The following TTC28 variants were observed in gnomAD, a reference collection of about 807,000 sequenced individuals.
TTC28 encodes the protein tetratricopeptide repeat protein 28.
TTC28 carries 61 observed loss-of-function variants against 198.0 expected under a neutral mutation model. That is an observed-to-expected ratio of 0.31 (90% CI 0.25 to 0.38). The LOEUF (loss-of-function observed/expected upper bound fraction) is 0.38. TTC28 is among the 10% of genes least tolerant of loss of function. The probability of loss-of-function intolerance (pLI) is 1.00; values close to 1 mark genes in which losing one functional copy is unlikely to be tolerated. For synonymous variants in TTC28, 1,171 were observed against 1,297.8 expected (o/e 0.90, Z 2.10); for missense variants, 2,678 against 3,164.0 (o/e 0.85, Z 3.69).
At chr22:28,308,918 C>T (rs2045199822) in intron 2 of TTC28, among the ~76,000 whole-genome samples, 1 of 152,168 alleles carries the variant, frequency 6.6e-6, no homozygotes, top group South Asian at 2.1e-4. Context: ...ATGAGTACAG[C>T]TCTGACAACT....
chr22:28,474,143 T>C (rs573127996), intron 2 of TTC28, among the ~76,000 whole-genome samples: 1 of 152,246 alleles, frequency 6.6e-6, no homozygotes, highest in South Asian at 2.1e-4. Context: ...TTTAAAAATG[T>C]TATAAACTCA....
At chr22:28,036,884 A>G (rs1433039172) in intron 12 of TTC28, among the ~76,000 whole-genome samples, 1 of 152,228 alleles carries the variant, frequency 6.6e-6, no homozygotes, top group Non-Finnish European at 1.5e-5. Flanking sequence ...AGAGAATACT[A>G]TAAACACCTC....
chr22:27,983,589 G>C lies in TTC28; in HGVS notation c.6078C>G (p.Ser2026=), dbSNP rs1288559191. ...TGGATCTCTGCAGGTAAGCGTTCTTGGACCGGTCATGGTCCTGCCGTCCTC... is the reference window on the plus strand; with the variant it reads ...TGGATCTCTGCAGGTAAGCGTTCTTCGACCGGTCATGGTCCTGCCGTCCTC... ...GPGGRQDHDR[S]KNAYLQRSTL... The change falls in exon 23 of 23, where the codon TCC becomes TCG. Residue 2026 remains serine, a synonymous_variant. Transcript: ENST00000397906. The C allele has an allele frequency of 6.4e-7, 1 of 1,550,606 alleles. No individual in the cohort carries two copies.
chr22:28,640,064 T>C (rs558118572), intron 1 of TTC28, among the ~76,000 whole-genome samples: 6 of 152,056 alleles, frequency 3.9e-5, no homozygotes, highest in Non-Finnish European at 5.9e-5. Flanking sequence ...CCCAGCAATT[T>C]TGGAGGCCGA....
At chr22:28,231,187 T>G (rs764909376) in intron 5 of TTC28, among the ~76,000 whole-genome samples, 3 of 152,194 alleles carry the variant, frequency 2.0e-5, no homozygotes, top group Non-Finnish European at 4.4e-5. Flanking sequence ...ATAGATAAAT[T>G]AAACATAGTC....
At chr22:28,059,759 G>T (rs907323121) in intron 12 of TTC28, among the ~76,000 whole-genome samples, 1 of 151,798 alleles carries the variant, frequency 6.6e-6, no homozygotes, top group Admixed American at 6.6e-5. Flanking sequence ...GGCTTTTAAT[G>T]TCTTCTTGGT....
At chr22:28,660,316 G>A (rs1311043102) in intron 1 of TTC28, among the ~76,000 whole-genome samples, 1 of 151,990 alleles carries the variant, frequency 6.6e-6, no homozygotes, top group African/African-American at 2.4e-5. Flanking sequence ...CATCAGCACA[G>A]TAAGAAAAGG....
chr22:28,388,152 T>A (rs1389912630), intron 2 of TTC28, among the ~76,000 whole-genome samples: 1 of 152,188 alleles, frequency 6.6e-6, no homozygotes, highest in Non-Finnish European at 1.5e-5. Context: ...ATCAGATAGT[T>A]GTAGATATGC....
At position 28,384,483 on chromosome 22, in the gene TTC28, C is replaced by A. The variant is rs188554095; in HGVS notation, c.382-77840G>T. 3.0e-4 allele frequency among the ~76,000 whole-genome samples: 45 copies of A among 152,292 alleles called. 1 individual carries two copies. The highest frequency in any genetic ancestry group is 2.8e-3 in the Admixed American group (43 of 15,304). On this transcript the variant is annotated intron_variant, in intron 2 of 22. Transcript: ENST00000397906. The stretch of plus-strand genomic sequence containing the variant: ...TACAGTATGTTTACCATCTCTTTGT[C>A]CCATACTAGAACATAAGCTCCATGA...
chr22:28,509,111 A>G (rs1247302345), intron 2 of TTC28, among the ~76,000 whole-genome samples: 3 of 152,084 alleles, frequency 2.0e-5, no homozygotes, highest in Admixed American at 6.5e-5. Flanking sequence ...GAATTGCTTA[A>G]ACACAGGAGA....
intron 2 of TTC28, among the ~76,000 whole-genome samples, chr22:28,550,299 C>T (rs369279916): frequency 2.2e-4 from 34 of 152,128 alleles, no homozygotes; most frequent in African/African-American, 7.5e-4. Flanking sequence ...GTTTAAGATC[C>T]CATTTCCCTT....
At chr22:28,210,278 T>C (rs760463436) in intron 5 of TTC28, among the ~76,000 whole-genome samples, 1 of 152,156 alleles carries the variant, frequency 6.6e-6, no homozygotes, top group African/African-American at 2.4e-5. Context: ...GGAACACAGC[T>C]GGATGGAGAA....
chr22:28,568,627 C>T (rs1186182314), intron 2 of TTC28, among the ~76,000 whole-genome samples: 3 of 151,972 alleles, frequency 2.0e-5, no homozygotes, highest in Admixed American at 1.3e-4. Context: ...GATAAAATAC[C>T]AAGGAATACA....
chr22:28,055,185 GC>G (rs1357442619), intron 12 of TTC28, among the ~76,000 whole-genome samples: 9 of 152,134 alleles, frequency 5.9e-5, no homozygotes, highest in Non-Finnish European at 1.2e-4. Flanking sequence ...TATTTGCTGA[GC>G]CCCCATGCAG....
intron 2 of TTC28, among the ~76,000 whole-genome samples, chr22:28,351,025 A>T (rs191584215): frequency 6.6e-6 from 1 of 152,258 alleles, no homozygotes; most frequent in Admixed American, 6.5e-5. Flanking sequence ...TACTAAAAAT[A>T]CAAAAAAATT....
At chr22:28,156,051 C>T (rs367888543) in intron 6 of TTC28, among the ~76,000 whole-genome samples, 2 of 152,132 alleles carry the variant, frequency 1.3e-5, no homozygotes, top group Admixed American at 6.6e-5. Flanking sequence ...AACTGAAAAA[C>T]AAGAAAATAA....
At chr22:28,249,701 C>T (rs1930374576) in intron 5 of TTC28, among the ~76,000 whole-genome samples, 2 of 152,208 alleles carry the variant, frequency 1.3e-5, no homozygotes, top group Non-Finnish European at 2.9e-5. Context: ...GTTGCATGCC[C>T]TCCACGTTGC....
intron 2 of TTC28, among the ~76,000 whole-genome samples, chr22:28,543,369 G>A (rs2049460480): frequency 6.7e-6 from 1 of 149,978 alleles, no homozygotes; most frequent in South Asian, 2.1e-4. Context: ...AAGGAGAAGA[G>A]AAAGAATAGG....
intron 13 of TTC28, among the ~76,000 whole-genome samples, chr22:28,022,016 A>C (rs879301124): frequency 6.6e-6 from 1 of 152,220 alleles, no homozygotes; most frequent in Non-Finnish European, 1.5e-5. Flanking sequence ...ATTCACTGTG[A>C]CTAATGAGTA....
Sources: allele counts gnomAD v4.1 joint callset (sites outside exome capture counted in the v4.1 genomes callset), GRCh38; gene constraint gnomAD v4.1.1; transcripts MANE v1.5; gene names NCBI Gene and HGNC (gene_info 2026-07-23, HGNC 2026-07-21).